Variants in TRHDE observed in about 807,000 individuals in gnomAD.
The protein encoded by TRHDE is thyrotropin releasing hormone degrading enzyme, also known as thyrotropin-releasing hormone-degrading ectoenzyme.
TRHDE carries 72 observed loss-of-function variants against 125.7 expected under a neutral mutation model. The observed-to-expected ratio is 0.57, with a 90% CI of 0.47 to 0.70. The LOEUF is 0.70. TRHDE is among the 30% of genes least tolerant of loss of function. The pLI, the probability that TRHDE is intolerant of heterozygous loss-of-function variation, is 0.00. For missense variants in TRHDE, 1,110 were observed against 1,327.1 expected (o/e 0.84, Z 2.54); for synonymous variants, 509 against 509.1 (o/e 1.00, Z 0.00).
chr12:72,313,022 A>T (rs1318622944), intron 2 of TRHDE, among the ~76,000 whole-genome samples: 1 of 152,004 alleles, frequency 6.6e-6, no homozygotes, highest in East Asian at 1.9e-4. Flanking sequence ...GCCATTTGAA[A>T]TATTTTTACT....
chr12:72,088,839 T>C (rs1429968560), intron 1 of TRHDE, among the ~76,000 whole-genome samples: 2 of 151,972 alleles, frequency 1.3e-5, no homozygotes, highest in Non-Finnish European at 2.9e-5. Flanking sequence ...TCCCTTCTTC[T>C]ACCTTCTCTT....
In TRHDE at chr12:72,120,200, G is replaced by A. The variant is rs189675659; in HGVS notation, n.279+14448G>A. ...TGAGTAGCTGGGATTACAGGTGCCC[G>A]CCATCACGCCTGGTTAATTTTTGTA... On this transcript the variant is annotated intron_variant and non_coding_transcript_variant, in intron 2 of 4. Coordinates refer to the TRHDE transcript ENST00000548156. Among the ~76,000 whole-genome samples, 246 of 151,802 alleles carry A rather than the reference G, an allele frequency of 1.6e-3. 1 individual carries two copies. The highest frequency in any genetic ancestry group is 5.0e-3 in the African/African-American group (207 of 41,408).
intron 3 of TRHDE, among the ~76,000 whole-genome samples, chr12:72,433,963 G>T (rs973787323): frequency 6.6e-6 from 1 of 152,126 alleles, no homozygotes; most frequent in African/African-American, 2.4e-5. Context: ...GGGAAAGAAA[G>T]CCATGAGCTC....
intron 3 of TRHDE, among the ~76,000 whole-genome samples, chr12:72,398,007 C>T (rs1029584414): frequency 6.8e-6 from 1 of 147,402 alleles, no homozygotes; most frequent in South Asian, 2.3e-4. Flanking sequence ...CAACAGTCCC[C>T]AGAGTGTGAT....
At chr12:72,372,319 A>T (rs1250656503) in intron 2 of TRHDE, among the ~76,000 whole-genome samples, 7 of 151,582 alleles carry the variant, frequency 4.6e-5, no homozygotes, top group African/African-American at 9.7e-5. Context: ...GGTTGCGAAA[A>T]TTTTCTCCCA....
chr12:72,186,277 C>T (rs1161417139), intron 2 of TRHDE: 2 of 162,432 alleles, frequency 1.2e-5, no homozygotes, highest in South Asian at 3.5e-4. Context: ...CAACTCCAGA[C>T]GCGCTGCCTT....
intron 12 of TRHDE, among the ~76,000 whole-genome samples, chr12:72,616,364 A>G (rs1300752774): frequency 6.6e-6 from 1 of 152,084 alleles, no homozygotes; most frequent in African/African-American, 2.4e-5. Flanking sequence ...ATTTTTCAGT[A>G]GATTAAATTG....
chr12:72,596,496 C>G (rs1871946840), intron 12 of TRHDE, among the ~76,000 whole-genome samples: 1 of 152,102 alleles, frequency 6.6e-6, no homozygotes, highest in Admixed American at 6.6e-5. Flanking sequence ...TCACAATTAT[C>G]TAACACAGCA....
At chr12:72,333,103 G>T (rs999272768) in intron 2 of TRHDE, among the ~76,000 whole-genome samples, 1 of 152,164 alleles carries the variant, frequency 6.6e-6, no homozygotes, top group South Asian at 2.1e-4. Flanking sequence ...TGGTTGTCAG[G>T]TCCTTGATTT....
At position 72,514,935 on chromosome 12, in the gene TRHDE, A is replaced by G. The variant is rs1301865363; in HGVS notation, c.1722+15300A>G. Among the ~76,000 whole-genome samples the G allele has an allele frequency of 1.4e-4, 21 of 148,558 alleles. No homozygotes were observed. In the East Asian group the frequency reaches 2.0e-3, roughly 14 times the overall value. On this transcript the variant is annotated intron_variant, in intron 6 of 18. Coordinates refer to ENST00000261180, the MANE Select transcript of TRHDE (RefSeq NM_013381.3). ...AGTTTACTGAGAATGATGATTTCCAATTTCATCCATGTCCCTACAAAGGAC... is the reference window on the plus strand; with the variant it reads ...AGTTTACTGAGAATGATGATTTCCAGTTTCATCCATGTCCCTACAAAGGAC...
intron 12 of TRHDE, among the ~76,000 whole-genome samples, chr12:72,585,398 G>A (rs531537086): frequency 5.9e-5 from 9 of 152,030 alleles, no homozygotes; most frequent in South Asian, 4.2e-4. Flanking sequence ...ATTTTTGTTC[G>A]GTCCCTTTCC....
chr12:72,301,349 G>T (rs891979950), intron 2 of TRHDE, among the ~76,000 whole-genome samples: 15 of 152,084 alleles, frequency 9.9e-5, no homozygotes, highest in Non-Finnish European at 1.3e-4. Context: ...CATCAGAAGG[G>T]CCTCTGTGGG....
intron 15 of TRHDE, among the ~76,000 whole-genome samples, chr12:72,641,198 A>AT (rs1184116047): frequency 6.6e-6 from 1 of 152,020 alleles, no homozygotes; most frequent in South Asian, 2.1e-4. Context: ...TATTTTAAAT[A>AT]TTTTTTTCTT....
intron 2 of TRHDE, among the ~76,000 whole-genome samples, chr12:72,134,953 G>A (rs145734265): frequency 1.8e-4 from 27 of 152,134 alleles, no homozygotes; most frequent in African/African-American, 4.8e-4. Context: ...GTCATTTGAC[G>A]CTAGACTCTT....
intron 5 of TRHDE, among the ~76,000 whole-genome samples, chr12:72,474,484 A>G (rs1164299041): frequency 6.6e-6 from 1 of 152,090 alleles, no homozygotes; most frequent in East Asian, 1.9e-4. Flanking sequence ...GCTTCTGTGA[A>G]TTTGACTATT....
chr12:72,314,126 C>T (rs916418764), intron 2 of TRHDE, among the ~76,000 whole-genome samples: 17 of 152,182 alleles, frequency 1.1e-4, no homozygotes, highest in African/African-American at 4.1e-4. Flanking sequence ...TCTTAACTTG[C>T]AAGCAATGTA....
chr12:72,638,468 T>G (rs1192626774), intron 15 of TRHDE, among the ~76,000 whole-genome samples: 1 of 150,928 alleles, frequency 6.6e-6, no homozygotes, highest in Admixed American at 6.6e-5. Context: ...AATTTGCCAG[T>G]CTGTGTCTTT....
intron 18 of TRHDE, among the ~76,000 whole-genome samples, chr12:72,660,473 A>G (rs951822139): frequency 2.6e-5 from 4 of 152,142 alleles, no homozygotes; most frequent in Admixed American, 2.6e-4. Flanking sequence ...TGGCACTGGC[A>G]TTACCGCTTG....
In TRHDE at chr12:72,665,783, G is replaced by A. The variant is rs1387146617; in HGVS notation, c.*2588G>A. On this transcript the variant is annotated 3_prime_UTR_variant, in exon 19 of 19. Transcript: ENST00000261180. ...CAAAAAAGTAGTTTCAATTAGAAAGGACAACATTATTTATCACATTGAGTA... is the reference window on the plus strand; with the variant it reads ...CAAAAAAGTAGTTTCAATTAGAAAGAACAACATTATTTATCACATTGAGTA... The A allele has an allele frequency of 6.6e-6, 1 of 152,008 alleles. No individual in the cohort carries two copies. The highest frequency in any genetic ancestry group is 1.5e-5 in the Non-Finnish European group (1 of 67,960). The allele number at this position is 152,008 out of a possible 1,614,324, so 9.4% of individuals were successfully genotyped here.
Sources: gnomAD v4.1 joint callset for allele counts (sites outside exome capture counted in the v4.1 genomes callset) on GRCh38, gnomAD v4.1.1 for gene constraint, MANE v1.5 for transcripts, NCBI Gene and HGNC (gene_info 2026-07-23, HGNC 2026-07-21) for gene names.